Variants in SETD5 observed in about 807,000 individuals in gnomAD.
The protein encoded by SETD5 is histone-lysine N-methyltransferase SETD5.
Under a neutral mutation model 153.3 loss-of-function variants are expected in SETD5, and 44 were observed. That is an observed-to-expected ratio of 0.29 (90% CI 0.23 to 0.37). SETD5 has a LOEUF of 0.37. SETD5 is among the 10% of genes least tolerant of loss of function. SETD5 has a pLI of 1.00. For synonymous variants in SETD5, 716 were observed against 645.2 expected (o/e 1.11, Z -1.66); for missense variants, 1,544 against 1,768.0 (o/e 0.87, Z 2.27).
In SETD5 at chr3:9,448,647, G is replaced by T. The variant is rs779237209; in HGVS notation, c.2346+17G>T. The T allele has an allele frequency of 3.9e-6, 6 of 1,534,350 alleles. No individual in the cohort carries two copies. Among genetic ancestry groups the T allele is most frequent in the South Asian group, 2.5e-5 (2 of 78,434 alleles). The stretch of plus-strand genomic sequence containing the variant: ...TGTAAGAAGGTATGTCTGTGTTTTT[G>T]TGTGTGTGTTGTGTTTATGTGTGTG... On this transcript the variant is annotated intron_variant, in intron 16 of 22. Coordinates refer to ENST00000402198, the MANE Select transcript of SETD5 (RefSeq NM_001080517.3).
chr3:9,450,112 C>T (rs954030457), intron 16 of SETD5, among the ~76,000 whole-genome samples: 5 of 152,200 alleles, frequency 3.3e-5, no homozygotes, highest in East Asian at 1.9e-4. Flanking sequence ...AAACCAAAAA[C>T]GTGTCTAGGA....
Position 9,464,521 on chromosome 3 carries a change from C to A in SETD5, c.2573C>A (p.Pro858His), listed in dbSNP as rs771162252. 1 of 1,614,026 alleles carries A rather than the reference C, an allele frequency of 6.2e-7. No individual in the cohort carries two copies. The highest frequency in any genetic ancestry group is 1.1e-5 in the South Asian group (1 of 91,082). ...LRPLSPVTPP[P>H]PNSGSKSPQL... ...CCTCTGTCTCCAGTCACACCACCCC[C>A]TCCCAATTCAGGCTCAAAGAGTCCC... The change falls in exon 18 of 23, where the codon CCT (proline) becomes CAT (histidine). Residue 858 changes from proline (P) to histidine (H), a missense_variant. By Grantham distance (77) the Pro-to-His change is moderately conservative. Transcript: ENST00000402198.
intron 13 of SETD5, 98 bp downstream of exon 13, chr3:9,445,838 T>C: frequency 1.3e-6 from 1 of 761,228 alleles, no homozygotes; most frequent in East Asian, 2.9e-5. Context: ...TCTCATTGAT[T>C]TGACCTGAAG....
intron 3 of SETD5, 123 bp downstream of exon 3, chr3:9,429,132 C>A: frequency 1.8e-6 from 1 of 551,590 alleles, no homozygotes; most frequent in Non-Finnish European, 3.1e-6. Context: ...CTGTAATTAA[C>A]ATTAGACCTT....
chr3:9,467,744 C>T (rs28544185), intron 18 of SETD5, among the ~76,000 whole-genome samples: 3,292 of 152,170 alleles, frequency 0.022, 134 homozygotes, highest in African/African-American at 0.073. Flanking sequence ...ACTCACTGCT[C>T]AGTCTCTGTT....
chr3:9,471,322 C>G (rs996398406), intron 19 of SETD5, among the ~76,000 whole-genome samples: 1 of 152,136 alleles, frequency 6.6e-6, no homozygotes, highest in African/African-American at 2.4e-5. Context: ...AGTAACTTTC[C>G]CGTGGTCACA....
intron 1 of SETD5, among the ~76,000 whole-genome samples, chr3:9,413,929 C>A (rs1050042015): frequency 1.3e-4 from 20 of 151,994 alleles, no homozygotes; most frequent in Admixed American, 8.5e-4. Context: ...AGGCGCGCGC[C>A]ACCACGCCCA....
At chr3:9,421,916 T>G (rs1248972314) in intron 1 of SETD5, among the ~76,000 whole-genome samples, 1 of 152,156 alleles carries the variant, frequency 6.6e-6, no homozygotes, top group Non-Finnish European at 1.5e-5. Flanking sequence ...GATATTTGTG[T>G]TTTTTCATGA....
intron 17 of SETD5, among the ~76,000 whole-genome samples, chr3:9,463,697 G>A (rs2044238403): frequency 6.6e-6 from 1 of 152,216 alleles, no homozygotes; most frequent in Non-Finnish European, 1.5e-5. Context: ...AATAGAAAGA[G>A]CTTCTGAAAA....
At chr3:9,428,337 T>G (rs996189762) in intron 2 of SETD5, among the ~76,000 whole-genome samples, 6 of 152,192 alleles carry the variant, frequency 3.9e-5, no homozygotes, top group African/African-American at 1.4e-4. Context: ...AACAACAAAT[T>G]GATCTCTTTT....
intron 11 of SETD5, 82 bp downstream of exon 11, chr3:9,443,499 G>A (rs998404885): frequency 3.2e-5 from 23 of 723,628 alleles, no homozygotes; most frequent in Non-Finnish European, 4.3e-5. Flanking sequence ...GTCTGCTCTT[G>A]TTTCTTGCCT....
At chr3:9,456,205 G>A (rs2125392161) in intron 17 of SETD5, among the ~76,000 whole-genome samples, 1 of 151,662 alleles carries the variant, frequency 6.6e-6, no homozygotes, top group African/African-American at 2.4e-5. Flanking sequence ...CTAGGCGTTG[G>A]TGGCTCACAC....
chr3:9,400,721 C>T (rs917101515), intron 1 of SETD5, among the ~76,000 whole-genome samples: 9 of 152,068 alleles, frequency 5.9e-5, no homozygotes, highest in Non-Finnish European at 8.8e-5. Flanking sequence ...TGTCTTTGGC[C>T]ATAATCCATC....
At position 9,447,954 on chromosome 3, in the gene SETD5, T is replaced by C. The variant is rs1446746699; in HGVS notation, c.2051T>C (p.Ile684Thr). The change falls in exon 15 of 23, where the codon ATT becomes ACT. Residue 684 changes from isoleucine to threonine, a missense_variant. Ile to Thr is a moderately conservative substitution (Grantham distance 89, BLOSUM62 -1). Transcript: ENST00000402198. ...LTGSDPTVVS[I>T]TGSHVNRAAS... ...GGGTCTGACCCAACTGTGGTGTCAA[T>C]TACTGGATCCCATGTCAACCGTGCT... is the stretch of plus-strand genomic sequence containing the variant. 2 of 1,613,932 alleles carry C rather than the reference T, an allele frequency of 1.2e-6. No individual in the cohort carries two copies. Among genetic ancestry groups the C allele is most frequent in the East Asian group, 2.2e-5 (1 of 44,884 alleles).
chr3:9,400,264 T>G (rs1402459701), intron 1 of SETD5, among the ~76,000 whole-genome samples: 1 of 152,246 alleles, frequency 6.6e-6, no homozygotes, highest in Non-Finnish European at 1.5e-5. Context: ...GATTTTTGTT[T>G]TTTATCTAGA....
intron 16 of SETD5, among the ~76,000 whole-genome samples, chr3:9,451,803 C>T (rs779365341): frequency 6.6e-6 from 1 of 152,172 alleles, no homozygotes; most frequent in Non-Finnish European, 1.5e-5. Context: ...TGCTTCCTTG[C>T]TCTTTCGCCA....
chr3:9,428,796 A>G (rs1215111817), intron 2 of SETD5, 27 bp from the exon 3 acceptor site: 3 of 485,456 alleles, frequency 6.2e-6, no homozygotes, highest in Non-Finnish European at 1.1e-5. Context: ...TATTTATTTT[A>G]CTAGATATTT....
At chr3:9,435,592 C>A in intron 6 of SETD5, 136 bp from the exon 7 acceptor site, 2 of 695,200 alleles carry the variant, frequency 2.9e-6, no homozygotes, top group Non-Finnish European at 2.2e-6. Flanking sequence ...GAGTATTTAA[C>A]GTTGCTTTAC....
chr3:9,441,504 T>C, intron 8 of SETD5, 89 bp from the exon 9 acceptor site: 1 of 1,225,670 alleles, frequency 8.2e-7, no homozygotes, highest in South Asian at 1.3e-5. Context: ...CTGAAAATAT[T>C]AGCATGTTTT....
Sources: allele counts gnomAD v4.1 joint callset (sites outside exome capture counted in the v4.1 genomes callset), GRCh38; gene constraint gnomAD v4.1.1; transcripts MANE v1.5; gene names NCBI Gene and HGNC (gene_info 2026-07-23, HGNC 2026-07-21).